LOC400499: variants seen among roughly 807,000 people sequenced by gnomAD.
the LOC400499 span, among the ~76,000 whole-genome samples, chr16:11,382,715 C>CAGG: frequency 6.6e-6 from 1 of 152,124 alleles, no homozygotes; most frequent in Non-Finnish European, 1.5e-5. Flanking sequence ...GAGGCTGAGG[C>CAGG]AGGAGAACTG....
chr16:11,469,071 C>G, the LOC400499 span: 1 of 398,158 alleles, frequency 2.5e-6, no homozygotes, highest in Non-Finnish European at 4.4e-6. Flanking sequence ...AAGGGAAGAT[C>G]CCAGAGGTGG....
At chr16:11,446,927 A>G in the LOC400499 span, 190 of 1,528,430 alleles carry the variant, frequency 1.2e-4, no homozygotes, top group Non-Finnish European at 1.6e-4. Context: ...TGCAGAGGGA[A>G]AAACAGGCCA....
the LOC400499 span, among the ~76,000 whole-genome samples, chr16:11,381,381 G>C: frequency 6.6e-6 from 1 of 152,040 alleles, no homozygotes; most frequent in African/African-American, 2.4e-5. Context: ...GAGTACAAGT[G>C]TGAGCCACCA....
the LOC400499 span, chr16:11,447,012 G>C: frequency 5.2e-6 from 7 of 1,339,660 alleles, no homozygotes; most frequent in Non-Finnish European, 7.0e-6. Context: ...TCACGAGCTT[G>C]CAGAGTTAAG....
the LOC400499 span, chr16:11,518,877 AG>A: frequency 2.5e-6 from 1 of 399,046 alleles, no homozygotes; most frequent in Non-Finnish European, 4.4e-6. Flanking sequence ...AGCAGGTCCC[AG>A]CCCCATGGCC....
At chr16:11,493,703 T>C in the LOC400499 span, 1 of 396,672 alleles carries the variant, frequency 2.5e-6, no homozygotes, top group Non-Finnish European at 4.4e-6. Context: ...ATCTCGGGTG[T>C]GCTGCTTCTC....
At chr16:11,421,837 G>A in the LOC400499 span, among the ~76,000 whole-genome samples, 1 of 152,200 alleles carries the variant, frequency 6.6e-6, no homozygotes, top group Admixed American at 6.5e-5. Context: ...GTGTTGAAAA[G>A]TTCTGGAACT....
the LOC400499 span, among the ~76,000 whole-genome samples, chr16:11,386,933 CTT>C: frequency 6.6e-6 from 1 of 152,238 alleles, no homozygotes; most frequent in Non-Finnish European, 1.5e-5. Context: ...AGGGCCAAGA[CTT>C]ATATTCTGGA....
At chr16:11,421,933 A>G in the LOC400499 span, among the ~76,000 whole-genome samples, 1 of 152,210 alleles carries the variant, frequency 6.6e-6, no homozygotes, top group Non-Finnish European at 1.5e-5. Context: ...ATTATTACAC[A>G]TATTTTACTA....
At chr16:11,433,177 T>G in the LOC400499 span, among the ~76,000 whole-genome samples, 1 of 152,182 alleles carries the variant, frequency 6.6e-6, no homozygotes, top group African/African-American at 2.4e-5. Context: ...GCTGAAAATA[T>G]TTCCCATCTG....
At chr16:11,509,609 T>C in the LOC400499 span, among the ~76,000 whole-genome samples, 3 of 151,192 alleles carry the variant, frequency 2.0e-5, no homozygotes, top group Non-Finnish European at 3.0e-5. Context: ...GGTGGGTGGA[T>C]CACCCGAGGT....
At chr16:11,515,652 G>A in the LOC400499 span, among the ~76,000 whole-genome samples, 10 of 150,732 alleles carry the variant, frequency 6.6e-5, no homozygotes, top group Admixed American at 5.3e-4. Context: ...AGGAGGTAAA[G>A]GAAGGAGGAC....
chr16:11,456,224 T>C, the LOC400499 span, among the ~76,000 whole-genome samples: 1 of 152,122 alleles, frequency 6.6e-6, no homozygotes, highest in Admixed American at 6.5e-5. Flanking sequence ...TTTGTATTTT[T>C]AGCAGAGATG....
chr16:11,384,952 C>T, the LOC400499 span: 2 of 1,232,050 alleles, frequency 1.6e-6, no homozygotes, highest in Non-Finnish European at 2.0e-6. Flanking sequence ...AGACAGACAC[C>T]CCGTCCTCGC....
the LOC400499 span, chr16:11,514,422 G>A: frequency 2.5e-6 from 1 of 399,148 alleles, no homozygotes; most frequent in Middle Eastern, 6.3e-4. Context: ...GTCCTCATCT[G>A]CACAGCGCTT....
the LOC400499 span, among the ~76,000 whole-genome samples, chr16:11,499,868 C>T: frequency 6.6e-6 from 1 of 152,192 alleles, no homozygotes; most frequent in Non-Finnish European, 1.5e-5. Context: ...GGTCTCAGGT[C>T]AGAATTGAGG....
chr16:11,446,390 T>C, the LOC400499 span, among the ~76,000 whole-genome samples: 1 of 152,084 alleles, frequency 6.6e-6, no homozygotes, highest in Non-Finnish European at 1.5e-5. Flanking sequence ...ACTCCTGGTC[T>C]TAAGCGATCT....
At chr16:11,491,853 G>C in the LOC400499 span, 5 of 398,776 alleles carry the variant, frequency 1.3e-5, no homozygotes, top group African/African-American at 1.0e-4. Context: ...TCTCTGGCTT[G>C]GGCAGAAGGA....
At chr16:11,513,174 T>A in the LOC400499 span, among the ~76,000 whole-genome samples, 86,099 of 151,674 alleles carry the variant, frequency 0.57, 25,162 homozygotes, top group Admixed American at 0.65. Flanking sequence ...GAGGGCGAGG[T>A]GGAAGGATTA....
Sources: allele counts gnomAD v4.1 joint callset (sites outside exome capture counted in the v4.1 genomes callset), GRCh38; gene constraint gnomAD v4.1.1; transcripts MANE v1.5.